ATAD5: variants seen among roughly 807,000 people sequenced by gnomAD.
ATAD5 encodes ATPase family AAA domain containing 5.
In ATAD5, 58 loss-of-function variants were observed where a neutral mutation model predicts 176.9. That is an observed-to-expected ratio of 0.33 (90% CI 0.27 to 0.41). The LOEUF (loss-of-function observed/expected upper bound fraction) is 0.41, where lower values mean the gene tolerates loss of function less well. Among genes scored for constraint, ATAD5 ranks in the 10% least tolerant of loss-of-function variants. The pLI is 1.00. For synonymous variants in ATAD5, 640 were observed against 712.6 expected (o/e 0.90, Z 1.62); for missense variants, 1,789 against 2,094.1 (o/e 0.85, Z 2.84).
chr17:30,837,253 C>A lies in ATAD5; in HGVS notation c.2015C>A (p.Ser672Tyr). Residue 672 changes from serine (S) to tyrosine (Y), a missense_variant, in exon 3 of 23, where the codon TCT (serine) becomes TAT (tyrosine). By Grantham distance (144) the Ser-to-Tyr change is moderately radical. Coordinates refer to ENST00000321990, the MANE Select transcript of ATAD5 (RefSeq NM_024857.5). ...ISTPKKSKKK[S>Y]NKRSEKSEAT... ...ACTCCCAAAAAATCTAAGAAAAAAT[C>A]TAACAAAAGATCTGAGAAATCTGAA... The A allele has an allele frequency of 1.3e-6, 2 of 1,578,322 alleles. No homozygotes were observed. The highest frequency in any genetic ancestry group is 2.3e-5 in the East Asian group (1 of 43,862).
intron 14 of ATAD5, among the ~76,000 whole-genome samples, chr17:30,870,533 G>T (rs1171555542): frequency 6.6e-6 from 1 of 152,124 alleles, no homozygotes; most frequent in African/African-American, 2.4e-5. Context: ...ATCCCTTGTA[G>T]ATTACAAAAT....
intron 6 of ATAD5, among the ~76,000 whole-genome samples, chr17:30,852,080 CA>C (rs1476729953): frequency 6.6e-6 from 1 of 152,178 alleles, no homozygotes; most frequent in East Asian, 1.9e-4. Context: ...TTCCAAATGG[CA>C]ATTCTCTATT....
chr17:30,892,992 T>G (rs1462775989), intron 20 of ATAD5, among the ~76,000 whole-genome samples: 1 of 152,218 alleles, frequency 6.6e-6, no homozygotes, highest in Non-Finnish European at 1.5e-5. Flanking sequence ...GGATTTAGAA[T>G]AGCATTTAGA....
In ATAD5 at chr17:30,840,638, A is replaced by G. The variant is rs200690961; in HGVS notation, c.2098A>G (p.Ile700Val). The G allele has an allele frequency of 9.6e-6, 15 of 1,554,878 alleles. No individual in the cohort carries two copies. Among genetic ancestry groups the G allele is most frequent in the South Asian group, 3.8e-5 (3 of 79,288 alleles). Residue 700 changes from isoleucine (I) to valine (V), a missense_variant, in exon 4 of 23, where the codon ATA (isoleucine) becomes GTA (valine). Ile to Val is a conservative substitution (Grantham distance 29). Coordinates refer to ENST00000321990, the MANE Select transcript of ATAD5 (RefSeq NM_024857.5). ...IRKASNTSKN[I>V]SKAKQLIEKA... Reference sequence around the variant, plus strand: ...TTAGGCAAGCAATACTTCAAAAAACATATCAAAAGCAAAACAATTGATTGA... The same window carrying G: ...TTAGGCAAGCAATACTTCAAAAAACGTATCAAAAGCAAAACAATTGATTGA...
chr17:30,839,292 T>TTTTTTTC (rs1351388509), intron 3 of ATAD5, among the ~76,000 whole-genome samples: 3 of 152,124 alleles, frequency 2.0e-5, no homozygotes, highest in Admixed American at 1.3e-4. Context: ...ATATCTTTTT[T>TTTTTTTC]TTTTTTCTTT....
intron 14 of ATAD5, among the ~76,000 whole-genome samples, chr17:30,876,093 T>C (rs1908654629): frequency 6.6e-6 from 1 of 151,924 alleles, no homozygotes; most frequent in African/African-American, 2.4e-5. Flanking sequence ...GCCGAGATCA[T>C]GCCACTGCAC....
intron 20 of ATAD5, 101 bp downstream of exon 20, chr17:30,892,889 C>T (rs1204606464): frequency 9.3e-7 from 1 of 1,069,770 alleles, no homozygotes; most frequent in Non-Finnish European, 1.3e-6. Flanking sequence ...CTTAAATGTG[C>T]CTATAATTTG....
At chr17:30,886,785 T>G (rs936017356) in intron 18 of ATAD5, among the ~76,000 whole-genome samples, 2 of 152,164 alleles carry the variant, frequency 1.3e-5, no homozygotes, top group African/African-American at 2.4e-5. Flanking sequence ...CACTAATTAG[T>G]GCAATTTCTA....
rs1266792156 is a variant in ATAD5, at chr17:30,894,049, TTC to T, written c.5198_5199del (p.Ser1733LeufsTer22). 6.2e-7 allele frequency: 1 copy of T among 1,612,296 alleles called. No individual in the cohort carries two copies. Among genetic ancestry groups the T allele is most frequent in the Non-Finnish European group, 8.5e-7 (1 of 1,178,624 alleles). ...TTTCAAAAGCATTGGAAACCTTGAA[TTC>T]TTGCAAGAAATTAGGAAGAGATCCA... ...AISKALETLN[S>X]CKKLGRDPTN... On this transcript the variant is annotated frameshift_variant, in exon 21 of 23. Transcript: ENST00000321990. LOFTEE classifies it high-confidence loss of function.
chr17:30,884,768 GAC>G (rs1909223857), intron 18 of ATAD5, among the ~76,000 whole-genome samples: 1 of 117,350 alleles, frequency 8.5e-6, no homozygotes, highest in Non-Finnish European at 1.7e-5. Flanking sequence ...TTTTTTTTGA[GAC>G]AGAGTCTTGC....
At chr17:30,855,118 C>G in intron 6 of ATAD5, 25 bp from the exon 7 acceptor site, 1 of 1,550,596 alleles carries the variant, frequency 6.4e-7, no homozygotes, top group Non-Finnish European at 8.7e-7. Context: ...CTTAGCTTTT[C>G]TTTTTCAAAT....
intron 22 of ATAD5, 56 bp downstream of exon 22, chr17:30,894,778 T>C (rs979281080): frequency 9.8e-5 from 153 of 1,555,638 alleles, no homozygotes; most frequent in Non-Finnish European, 1.3e-4. Context: ...TTAATACATA[T>C]TTTCATAAGA....
At chr17:30,879,517 T>C in intron 18 of ATAD5, 30 bp downstream of exon 18, 1 of 1,559,758 alleles carries the variant, frequency 6.4e-7, no homozygotes, top group Non-Finnish European at 8.7e-7. Context: ...AGCCACAAAT[T>C]ACATATCACC....
At chr17:30,882,462 T>G (rs1909083752) in intron 18 of ATAD5, among the ~76,000 whole-genome samples, 1 of 151,950 alleles carries the variant, frequency 6.6e-6, no homozygotes, top group Non-Finnish European at 1.5e-5. Context: ...CAGTGGCATG[T>G]GCCTGTAGTC....
At chr17:30,881,191 G>C (rs9891413) in intron 18 of ATAD5, among the ~76,000 whole-genome samples, 15,960 of 151,930 alleles carry the variant, frequency 0.11, 953 homozygotes, top group South Asian at 0.24. Flanking sequence ...GGGAGGCTGA[G>C]GTTAGAGGAT....
chr17:30,894,942 A>C lies in ATAD5; in HGVS notation c.*29A>C. The C allele has an allele frequency of 6.8e-7, 1 of 1,462,514 alleles. No homozygotes were observed. The highest frequency in any genetic ancestry group is 9.3e-7 in the Non-Finnish European group (1 of 1,075,590). 90.6% of individuals were successfully genotyped at this position (1,462,514 alleles called of 1,614,324 possible). A position where few individuals can be genotyped will look rare whatever the true frequency, so the allele number is the denominator to read the frequency against. On this transcript the variant is annotated 3_prime_UTR_variant, in exon 23 of 23. Transcript: ENST00000321990. ...TCCATACTAACAATGCTTTGTATAG[A>C]TTATCATGTGGTCCTTAAGATACAT...
intron 18 of ATAD5, among the ~76,000 whole-genome samples, chr17:30,881,836 T>A (rs1187993799): frequency 6.6e-6 from 1 of 151,786 alleles, no homozygotes; most frequent in Admixed American, 6.6e-5. Flanking sequence ...ATCACTTGAG[T>A]ATGGGAGGCA....
chr17:30,881,466 A>T (rs1175493630), intron 18 of ATAD5, among the ~76,000 whole-genome samples: 1 of 151,732 alleles, frequency 6.6e-6, no homozygotes, highest in East Asian at 1.9e-4. Flanking sequence ...CGCCTGGCTT[A>T]TTTTTTTTGT....
chr17:30,850,347 C>T (rs1337487747), intron 6 of ATAD5, among the ~76,000 whole-genome samples: 2 of 150,860 alleles, frequency 1.3e-5, no homozygotes, highest in African/African-American at 4.9e-5. Context: ...CTACTCTCTA[C>T]TTCTATGAGA....
Sources: allele counts gnomAD v4.1 joint callset (sites outside exome capture counted in the v4.1 genomes callset), GRCh38; gene constraint gnomAD v4.1.1; transcripts MANE v1.5; gene names NCBI Gene and HGNC (gene_info 2026-07-23, HGNC 2026-07-21).